The following PLSCR4 variants were observed in gnomAD, a reference collection of about 807,000 sequenced individuals.
PLSCR4 encodes the protein phospholipid scramblase 4, also known as Ca(2+)-dependent phospholipid scramblase 4.
A neutral mutation model predicts 36.3 loss-of-function variants in PLSCR4; 25 were observed. That is an observed-to-expected ratio of 0.69 (90% confidence interval 0.50 to 0.96). PLSCR4 has a LOEUF of 0.96. PLSCR4 is among the 40% of genes least tolerant of loss of function. The pLI, the probability that PLSCR4 is intolerant of heterozygous loss-of-function variation, is 0.00. For missense variants in PLSCR4, 408 were observed against 414.7 expected (o/e 0.98, Z 0.14); for synonymous variants, 122 against 132.9 (o/e 0.92, Z 0.56).
chr3:146,208,641 G>A (rs1022036236), intron 3 of PLSCR4, among the ~76,000 whole-genome samples: 1 of 151,966 alleles, frequency 6.6e-6, no homozygotes, highest in African/African-American at 2.4e-5. Flanking sequence ...ATACACAAAT[G>A]GCCAACAATT....
chr3:146,232,697 T>C (rs376447405), intron 1 of PLSCR4, among the ~76,000 whole-genome samples: 5 of 152,280 alleles, frequency 3.3e-5, no homozygotes, highest in African/African-American at 1.2e-4. Context: ...TTTTGTATCC[T>C]GAAACTTTAT....
rs979944288 is a variant in PLSCR4, at chr3:146,193,958, T to A, written c.*453A>T. The A allele has an allele frequency of 2.6e-5, 4 of 153,024 alleles. No individual in the cohort carries two copies. The highest frequency in any genetic ancestry group is 9.6e-5 in the African/African-American group (4 of 41,456). The allele number at this position is 153,024 out of a possible 1,614,324, so 9.5% of individuals were successfully genotyped here. A position where few individuals can be genotyped will look rare whatever the true frequency, so the allele number is the denominator to read the frequency against. On this transcript the variant is annotated 3_prime_UTR_variant, in exon 9 of 9. Coordinates refer to ENST00000354952, the MANE Select transcript of PLSCR4 (RefSeq NM_020353.3). ...CCTTTTTGTTTTTAAAAATGAAGAC[T>A]ATCATTGAAACAAGTTTGTCTTCAG...
intron 1 of PLSCR4, among the ~76,000 whole-genome samples, chr3:146,230,163 C>T (rs1028475731): frequency 1.3e-5 from 2 of 152,006 alleles, no homozygotes; most frequent in African/African-American, 2.4e-5. Flanking sequence ...TAGAGTCAGA[C>T]TGAATTGCAA....
chr3:146,206,409 G>A, intron 4 of PLSCR4, 117 bp downstream of exon 4: 1 of 685,264 alleles, frequency 1.5e-6, no homozygotes, highest in East Asian at 2.5e-5. Context: ...TTTCACAAAT[G>A]GCATCTGTCA....
At chr3:146,250,896 C>G (rs1008233572) in intron 1 of PLSCR4, 64 bp downstream of exon 1, 3 of 152,792 alleles carry the variant, frequency 2.0e-5, no homozygotes, top group Non-Finnish European at 4.4e-5. Context: ...CGCCCTCGGC[C>G]CCGCAGCCCG....
chr3:146,245,243 A>T (rs139958470), intron 1 of PLSCR4, among the ~76,000 whole-genome samples: 130 of 152,124 alleles, frequency 8.5e-4, no homozygotes, highest in African/African-American at 3.0e-3. Context: ...TGGCCCCAAC[A>T]CACACCCCCT....
At position 146,220,939 on chromosome 3, in the gene PLSCR4, C is replaced by G; in HGVS notation, c.8-14G>C. 6.7e-7 allele frequency: 1 copy of G among 1,503,406 alleles called. No individual in the cohort carries two copies. The highest frequency in any genetic ancestry group is 1.2e-5 in the South Asian group (1 of 86,806). The allele number at this position is 1,503,406 out of a possible 1,614,324, so 93.1% of individuals were successfully genotyped here. A position where few individuals can be genotyped will look rare whatever the true frequency, so the allele number is the denominator to read the frequency against. On this transcript the variant is annotated splice_polypyrimidine_tract_variant and intron_variant, in intron 2 of 8. Transcript: ENST00000354952. ...TGGGTACCACACCTTCAGGGGAAGA[C>G]AGGGAACATGACTTACAAAGGAAAC...
intron 3 of PLSCR4, among the ~76,000 whole-genome samples, chr3:146,217,362 A>C (rs2034946178): frequency 6.6e-6 from 1 of 152,220 alleles, no homozygotes; most frequent in South Asian, 2.1e-4. Context: ...AAGAACAGGC[A>C]GGTGCATAGA....
chr3:146,227,290 C>T (rs2035518196), intron 1 of PLSCR4, among the ~76,000 whole-genome samples: 1 of 152,038 alleles, frequency 6.6e-6, no homozygotes, highest in Non-Finnish European at 1.5e-5. Context: ...GATATGCATA[C>T]AGGGGAATCT....
At chr3:146,231,106 A>G (rs911239749) in intron 1 of PLSCR4, among the ~76,000 whole-genome samples, 3 of 152,160 alleles carry the variant, frequency 2.0e-5, no homozygotes, top group Non-Finnish European at 2.9e-5. Context: ...ACTATAAATG[A>G]GAAGATACAG....
At chr3:146,216,050 G>T (rs2108275048) in intron 3 of PLSCR4, among the ~76,000 whole-genome samples, 1 of 152,214 alleles carries the variant, frequency 6.6e-6, no homozygotes, top group African/African-American at 2.4e-5. Context: ...GGCCAACATG[G>T]TGAAACCCCG....
In PLSCR4 at chr3:146,247,231, C is replaced by T. The variant is rs187682269; in HGVS notation, c.-22+3729G>A. ...AATATTTTCTTCCTGTGGATCTGTG[C>T]ATTAAATTATTGGAAGCAGAACTGA... On this transcript the variant is annotated intron_variant, in intron 1 of 8. Transcript: ENST00000354952. 9.2e-5 allele frequency among the ~76,000 whole-genome samples: 14 copies of T among 152,140 alleles called. No individual in the cohort carries two copies. In the East Asian group the frequency reaches 2.1e-3, roughly 23 times the overall value.
chr3:146,197,782 G>A (rs2033827391), intron 6 of PLSCR4, among the ~76,000 whole-genome samples: 2 of 151,974 alleles, frequency 1.3e-5, no homozygotes, highest in African/African-American at 4.8e-5. Flanking sequence ...ATAAGAATTT[G>A]GGGAAAGGAT....
At chr3:146,198,192 T>G (rs73865349) in intron 6 of PLSCR4, among the ~76,000 whole-genome samples, 7,805 of 152,010 alleles carry the variant, frequency 0.051, 613 homozygotes, top group African/African-American at 0.17. Context: ...GAGGGAGGAA[T>G]GTGGATATGG....
rs913823867 is a variant in PLSCR4 at position 146,218,670 on chromosome 3, C to T, written c.118+2145G>A. On this transcript the variant is annotated intron_variant, in intron 3 of 8. Coordinates refer to ENST00000354952, the MANE Select transcript of PLSCR4 (RefSeq NM_020353.3). ...GTTTTCATAAGAGTTCTGATTGCTT[C>T]TGCAGGAAAACAAAGCAAAACAAAA... 3.8e-4 allele frequency among the ~76,000 whole-genome samples: 58 copies of T among 152,090 alleles called. 1 individual carries two copies. The highest frequency in any genetic ancestry group is 2.8e-3 in the Admixed American group (43 of 15,270).
At chr3:146,237,263 TC>T (rs2035957560) in intron 1 of PLSCR4, among the ~76,000 whole-genome samples, 1 of 152,136 alleles carries the variant, frequency 6.6e-6, no homozygotes, top group Admixed American at 6.6e-5. Context: ...AAAAAATTAA[TC>T]TATCAGGAAG....
chr3:146,209,281 G>T (rs1466357674), intron 3 of PLSCR4, among the ~76,000 whole-genome samples: 1 of 152,038 alleles, frequency 6.6e-6, no homozygotes, highest in East Asian at 1.9e-4. Flanking sequence ...TGGGAAGGGG[G>T]TGAGGGATAA....
intron 3 of PLSCR4, among the ~76,000 whole-genome samples, chr3:146,214,066 G>C (rs1419407325): frequency 6.9e-6 from 1 of 144,284 alleles, no homozygotes; most frequent in African/African-American, 2.6e-5. Context: ...CCTACCTCTT[G>C]GCTTGGTTTT....
intron 1 of PLSCR4, among the ~76,000 whole-genome samples, chr3:146,230,117 G>T (rs2035647543): frequency 6.6e-6 from 1 of 152,056 alleles, no homozygotes; most frequent in Admixed American, 6.6e-5. Context: ...TAGGAAGTAG[G>T]CCCCTAAGCC....
Sources: allele counts gnomAD v4.1 joint callset (sites outside exome capture counted in the v4.1 genomes callset), GRCh38; gene constraint gnomAD v4.1.1; transcripts MANE v1.5; gene names NCBI Gene and HGNC (gene_info 2026-07-23, HGNC 2026-07-21).